Variants in RCAN1 observed in about 807,000 individuals in gnomAD.
RCAN1 encodes calcipressin-1.
Under a neutral mutation model 22.9 loss-of-function variants are expected in RCAN1, and 11 were observed. The observed-to-expected ratio is 0.48, with a 90% confidence interval of 0.30 to 0.79. RCAN1 has a LOEUF of 0.79. Among genes scored for constraint, RCAN1 ranks in the 30% least tolerant of loss-of-function variants. The probability of loss-of-function intolerance (pLI) is 0.06; values close to 1 mark genes in which losing one functional copy is unlikely to be tolerated. For synonymous variants in RCAN1, 136 were observed against 142.3 expected (o/e 0.96, Z 0.32); for missense variants, 291 against 337.8 (o/e 0.86, Z 1.09).
chr21:34,526,951 T>C, intron 1 of RCAN1: 1 of 1,371,776 alleles, frequency 7.3e-7, no homozygotes, highest in Non-Finnish European at 9.3e-7. Context: ...TCCTGCATGC[T>C]TGCAGGCAGA....
intron 1 of RCAN1, among the ~76,000 whole-genome samples, chr21:34,589,771 C>T (rs561992084): frequency 1.1e-3 from 174 of 152,242 alleles, no homozygotes; most frequent in African/African-American, 3.8e-3. Flanking sequence ...ATCTCATCTT[C>T]TCCCACCCTC....
chr21:34,614,994 G>T lies in RCAN1; in HGVS notation c.18C>A (p.Ala6=). The change falls in exon 1 of 4, where the codon GCC becomes GCA. Residue 6 remains alanine, a synonymous_variant. Transcript: ENST00000313806. This position sits in a 1 kb window ranked among gnomAD's most constrained non-coding sequence, Gnocchi z 6.0. ...CCGCCGCGGCCCCGAGCTGGGGACCGGCCACGCCGTCCTCCATCCCCGCGC... is the reference window on the plus strand; with the variant it reads ...CCGCCGCGGCCCCGAGCTGGGGACCTGCCACGCCGTCCTCCATCCCCGCGC... MEDGV[A]GPQLGAAAEA... 4 of 1,092,742 alleles carry T rather than the reference G, an allele frequency of 3.7e-6. No individual in the cohort carries two copies. The highest frequency in any genetic ancestry group is 3.3e-6 in the Non-Finnish European group (3 of 903,532). The allele number at this position is 1,092,742 out of a possible 1,614,324, so 67.7% of individuals were successfully genotyped here.
At chr21:34,565,147 C>T (rs990278540) in intron 1 of RCAN1, among the ~76,000 whole-genome samples, 1 of 152,110 alleles carries the variant, frequency 6.6e-6, no homozygotes, top group Non-Finnish European at 1.5e-5. Context: ...ACAAGTGAGC[C>T]GTGATGGTGT....
At chr21:34,525,164 G>A (rs1984942047) in intron 1 of RCAN1, 2 of 1,550,622 alleles carry the variant, frequency 1.3e-6, no homozygotes, top group Non-Finnish European at 1.7e-6. Context: ...AGTGTCTTCA[G>A]GAATGTTCAC....
intron 1 of RCAN1, among the ~76,000 whole-genome samples, chr21:34,544,735 C>T (rs780018771): frequency 2.0e-5 from 3 of 152,194 alleles, no homozygotes; most frequent in Non-Finnish European, 4.4e-5. Flanking sequence ...GACTGCTGGT[C>T]CCCAAGATAG....
chr21:34,567,853 C>T (rs553113202), intron 1 of RCAN1, among the ~76,000 whole-genome samples: 1 of 152,274 alleles, frequency 6.6e-6, no homozygotes, highest in East Asian at 1.9e-4. Context: ...CTTGCTTTTG[C>T]CACTTATCTT....
At chr21:34,540,224 G>A (rs371019455) in intron 1 of RCAN1, among the ~76,000 whole-genome samples, 4 of 152,152 alleles carry the variant, frequency 2.6e-5, no homozygotes, top group East Asian at 1.9e-4. Flanking sequence ...TATTTAATCA[G>A]CAAATTCTGG....
intron 1 of RCAN1, among the ~76,000 whole-genome samples, chr21:34,565,887 AG>A (rs1986986250): frequency 6.6e-6 from 1 of 152,194 alleles, no homozygotes; most frequent in African/African-American, 2.4e-5. Flanking sequence ...AAGCTCTGCA[AG>A]GGCGGAGCTC....
rs549637549 is a variant in RCAN1, at chr21:34,609,967, G to A, written c.252+4793C>T. 4.6e-5 allele frequency among the ~76,000 whole-genome samples: 7 copies of A among 152,280 alleles called. No homozygotes were observed. In the South Asian group the frequency reaches 1.4e-3, roughly 32 times the overall value. ...ATAAATTAAACTCTATACCATATTGGAGATAAGATCATTTAAGGGGAAATT... is the reference window on the plus strand; with the variant it reads ...ATAAATTAAACTCTATACCATATTGAAGATAAGATCATTTAAGGGGAAATT... On this transcript the variant is annotated intron_variant, in intron 1 of 3. Coordinates refer to ENST00000313806, the MANE Select transcript of RCAN1 (RefSeq NM_004414.7).
chr21:34,577,219 TG>T (rs931480050), intron 1 of RCAN1, among the ~76,000 whole-genome samples: 8 of 152,230 alleles, frequency 5.3e-5, no homozygotes, highest in African/African-American at 1.9e-4. Context: ...GTAAGGATTT[TG>T]AACATTACCT....
chr21:34,521,773 A>ATT, intron 2 of RCAN1, 115 bp from the exon 3 acceptor site: 1 of 833,310 alleles, frequency 1.2e-6, no homozygotes, highest in Non-Finnish European at 1.9e-6. Flanking sequence ...GCGTCAGGAC[A>ATT]GGTGTGATTC....
At chr21:34,589,454 G>A (rs990250208) in intron 1 of RCAN1, among the ~76,000 whole-genome samples, 5 of 152,182 alleles carry the variant, frequency 3.3e-5, no homozygotes, top group Non-Finnish European at 1.5e-5. Context: ...AATTTTCCTG[G>A]AAAAGGACAT....
chr21:34,530,916 T>C (rs1985358882), intron 1 of RCAN1, among the ~76,000 whole-genome samples: 1 of 152,200 alleles, frequency 6.6e-6, no homozygotes, highest in Admixed American at 6.5e-5. Context: ...TTACTTCACA[T>C]GTGTAACCAT....
rs1163235180 is a variant in RCAN1 at position 34,615,002 on chromosome 21, C to T, written c.10G>A (p.Gly4Ser). Residue 4 changes from glycine to serine, a missense_variant, in exon 1 of 4, where the codon GGC (glycine) becomes AGC (serine). Gly to Ser is a moderately conservative substitution (Grantham distance 56, BLOSUM62 0). Transcript: ENST00000313806. MED[G>S]VAGPQLGAAA... is the part of the protein sequence containing the mutation. Reference sequence around the variant, plus strand: ...GCCCCGAGCTGGGGACCGGCCACGCCGTCCTCCATCCCCGCGCCCGCGCGA... The same window carrying T: ...GCCCCGAGCTGGGGACCGGCCACGCTGTCCTCCATCCCCGCGCCCGCGCGA... 9.3e-6 allele frequency: 10 copies of T among 1,079,126 alleles called. No homozygotes were observed. Among genetic ancestry groups the T allele is most frequent in the Admixed American group, 5.3e-5 (1 of 18,780 alleles). The allele number at this position is 1,079,126 out of a possible 1,614,324, so 66.8% of individuals were successfully genotyped here.
At chr21:34,559,788 T>C (rs1037753504) in intron 1 of RCAN1, 1 of 152,184 alleles carries the variant, frequency 6.6e-6, no homozygotes, top group Non-Finnish European at 1.5e-5. Context: ...GGAGGCTTGG[T>C]GAATTGAGAC....
intron 1 of RCAN1, among the ~76,000 whole-genome samples, chr21:34,556,573 T>C (rs1986583035): frequency 6.6e-6 from 1 of 152,168 alleles, no homozygotes; most frequent in African/African-American, 2.4e-5. Flanking sequence ...AATTTAATTT[T>C]TAATGATTTT....
At chr21:34,599,562 C>T (rs1037409091) in intron 1 of RCAN1, among the ~76,000 whole-genome samples, 3 of 152,146 alleles carry the variant, frequency 2.0e-5, no homozygotes, top group Non-Finnish European at 2.9e-5. Flanking sequence ...TCTAATACTA[C>T]GTAATGTAAA....
Position 34,614,795 on chromosome 21 carries a change from G to A in RCAN1, c.217C>T (p.Leu73=). Residue 73 remains leucine, a synonymous_variant, in exon 1 of 4, where the codon CTG becomes TTG. Coordinates refer to ENST00000313806, the MANE Select transcript of RCAN1 (RefSeq NM_004414.7). The surrounding 1 kb of genome is among the most constrained non-coding windows in gnomAD (Gnocchi z 6.0). ...DLPSATIACH[L]DPRVFVDGLC... is the part of the protein sequence containing the mutation. Reference sequence around the variant, plus strand: ...CCGTCCACGAACACGCGCGGGTCCAGGTGACAGGCGATGGTGGCGCTGGGC... The same window carrying A: ...CCGTCCACGAACACGCGCGGGTCCAAGTGACAGGCGATGGTGGCGCTGGGC... The A allele has an allele frequency of 6.8e-7, 1 of 1,480,222 alleles. No homozygotes were observed. Among genetic ancestry groups the A allele is most frequent in the African/African-American group, 1.5e-5 (1 of 68,150 alleles). The allele number at this position is 1,480,222 out of a possible 1,614,324, so 91.7% of individuals were successfully genotyped here.
At chr21:34,608,723 GC>G (rs1296203477) in intron 1 of RCAN1, among the ~76,000 whole-genome samples, 2 of 152,172 alleles carry the variant, frequency 1.3e-5, no homozygotes, top group Non-Finnish European at 2.9e-5. Context: ...TTGTTACATG[GC>G]AGTAGATAAC....
Sources: allele counts gnomAD v4.1 joint callset (sites outside exome capture counted in the v4.1 genomes callset), GRCh38; gene constraint gnomAD v4.1.1; non-coding constraint Gnocchi (gnomAD v3.1); transcripts MANE v1.5; gene names NCBI Gene and HGNC (gene_info 2026-07-23, HGNC 2026-07-21).